Variants in PTPRT observed in about 807,000 individuals in gnomAD.
The protein encoded by PTPRT is protein tyrosine phosphatase receptor type T.
A neutral mutation model predicts 176.8 loss-of-function variants in PTPRT; 56 were observed. The ratio of observed to expected loss-of-function variants is 0.32; its 90% CI spans 0.26 to 0.40. The LOEUF (loss-of-function observed/expected upper bound fraction) is 0.40, where lower values mean the gene tolerates loss of function less well. PTPRT is among the 10% of genes least tolerant of loss of function. PTPRT has a pLI of 1.00. For synonymous variants in PTPRT, 783 were observed against 739.0 expected, an observed-to-expected ratio of 1.06 and a Z score of -0.96; for missense variants, 1,540 against 1,908.2, an observed-to-expected ratio of 0.81 and a Z score of 3.60.
intron 7 of PTPRT, among the ~76,000 whole-genome samples, chr20:42,580,420 G>GT (rs1294381917): frequency 2.0e-5 from 3 of 152,114 alleles, no homozygotes; most frequent in African/African-American, 7.2e-5. Context: ...CTTTAAAGTA[G>GT]TTTTTTCCAA....
At chr20:43,133,216 C>T (rs950825197) in intron 1 of PTPRT, among the ~76,000 whole-genome samples, 1 of 152,038 alleles carries the variant, frequency 6.6e-6, no homozygotes, top group African/African-American at 2.4e-5. Flanking sequence ...GTGCATTTAT[C>T]ATGCATAAAC....
At chr20:43,098,920 C>T (rs1266762830) in intron 1 of PTPRT, among the ~76,000 whole-genome samples, 1 of 152,142 alleles carries the variant, frequency 6.6e-6, no homozygotes, top group East Asian at 1.9e-4. Flanking sequence ...ATCATTCTGA[C>T]AGGTATTTCT....
intron 1 of PTPRT, among the ~76,000 whole-genome samples, chr20:42,975,028 T>TA (rs1488880361): frequency 3.3e-5 from 5 of 152,114 alleles, no homozygotes; most frequent in African/African-American, 1.2e-4. Context: ...AGACATTGAA[T>TA]AAAAGTATAA....
At chr20:42,809,166 G>A (rs2077658615) in intron 2 of PTPRT, among the ~76,000 whole-genome samples, 1 of 152,200 alleles carries the variant, frequency 6.6e-6, no homozygotes, top group Non-Finnish European at 1.5e-5. Context: ...ACGAGATGTT[G>A]GTGCCATCAT....
At chr20:42,615,035 A>G (rs1391592930) in intron 7 of PTPRT, among the ~76,000 whole-genome samples, 3 of 137,076 alleles carry the variant, frequency 2.2e-5, no homozygotes, top group African/African-American at 8.7e-5. Flanking sequence ...TGCTGCACCC[A>G]CTAACTCGTC....
At chr20:43,094,523 T>G (rs1318021564) in intron 1 of PTPRT, among the ~76,000 whole-genome samples, 1 of 148,886 alleles carries the variant, frequency 6.7e-6, no homozygotes, top group Admixed American at 6.8e-5. Flanking sequence ...CTCAGCCTCC[T>G]GAGTAGCTGG....
chr20:42,391,280 T>A (rs560603236), intron 9 of PTPRT, among the ~76,000 whole-genome samples: 1 of 152,170 alleles, frequency 6.6e-6, no homozygotes. Context: ...GAGGAGACTT[T>A]TGTGCTTCAG....
At chr20:43,122,388 C>A (rs1219517579) in intron 1 of PTPRT, among the ~76,000 whole-genome samples, 8 of 152,188 alleles carry the variant, frequency 5.3e-5, no homozygotes, top group African/African-American at 1.4e-4. Flanking sequence ...GAGTGAAACC[C>A]CTCTCAGTCC....
intron 1 of PTPRT, among the ~76,000 whole-genome samples, chr20:43,098,023 C>T (rs901921680): frequency 2.0e-5 from 3 of 152,114 alleles, no homozygotes; most frequent in Non-Finnish European, 4.4e-5. Flanking sequence ...TCCCCTTCGC[C>T]AGCTTCCATC....
intron 11 of PTPRT, among the ~76,000 whole-genome samples, chr20:42,332,210 A>AT (rs1039250812): frequency 6.6e-5 from 10 of 151,564 alleles, no homozygotes; most frequent in African/African-American, 1.9e-4. Context: ...AGAAAAAAAC[A>AT]TTTTTTTTCT....
chr20:42,426,184 A>G (rs1323874366), intron 9 of PTPRT, among the ~76,000 whole-genome samples: 1 of 152,100 alleles, frequency 6.6e-6, no homozygotes, highest in Non-Finnish European at 1.5e-5. Flanking sequence ...TCCTCTTTTC[A>G]TGCCCAAATG....
At chr20:43,031,487 C>T (rs569143117) in intron 1 of PTPRT, among the ~76,000 whole-genome samples, 52 of 152,280 alleles carry the variant, frequency 3.4e-4, no homozygotes, top group Middle Eastern at 6.8e-3. Context: ...AATACAATTG[C>T]ATTGCTTAAA....
At chr20:42,466,552 T>C (rs1409829671) in intron 8 of PTPRT, among the ~76,000 whole-genome samples, 5 of 152,168 alleles carry the variant, frequency 3.3e-5, no homozygotes, top group Non-Finnish European at 7.3e-5. Flanking sequence ...TTTAGAGGGA[T>C]TGGTGTTGTA....
chr20:42,378,988 A>G (rs939957938), intron 9 of PTPRT, among the ~76,000 whole-genome samples: 3 of 152,224 alleles, frequency 2.0e-5, no homozygotes, highest in Non-Finnish European at 4.4e-5. Context: ...GCAAGTCTCC[A>G]AGGCAACCAT....
chr20:42,129,202 T>C (rs1988009499), intron 18 of PTPRT, among the ~76,000 whole-genome samples: 1 of 152,228 alleles, frequency 6.6e-6, no homozygotes, highest in Non-Finnish European at 1.5e-5. Flanking sequence ...TGGATTAATA[T>C]ACTCCATTTT....
chr20:42,355,832 T>C (rs562465958), intron 9 of PTPRT, among the ~76,000 whole-genome samples: 203 of 152,298 alleles, frequency 1.3e-3, no homozygotes, highest in African/African-American at 4.6e-3. Flanking sequence ...CCTTATTTAC[T>C]AGCCAATTCC....
At chr20:43,096,185 C>T (rs111597994) in intron 1 of PTPRT, among the ~76,000 whole-genome samples, 61 of 150,956 alleles carry the variant, frequency 4.0e-4, no homozygotes, top group African/African-American at 1.4e-3. Context: ...CGCCTTGCTC[C>T]CTCACTCTCT....
chr20:42,201,187 A>G (rs1274448639), intron 15 of PTPRT, among the ~76,000 whole-genome samples: 1 of 152,138 alleles, frequency 6.6e-6, no homozygotes, highest in South Asian at 2.1e-4. Flanking sequence ...CACCTGTGCT[A>G]CTCAGCAGGC....
intron 1 of PTPRT, among the ~76,000 whole-genome samples, chr20:43,029,720 T>C (rs183175852): frequency 6.6e-6 from 1 of 152,386 alleles, no homozygotes; most frequent in East Asian, 1.9e-4. Flanking sequence ...CTTGGCCTTA[T>C]GATTTCTGGC....
Sources: gnomAD v4.1 joint callset for allele counts (sites outside exome capture counted in the v4.1 genomes callset) on GRCh38, gnomAD v4.1.1 for gene constraint, MANE v1.5 for transcripts, NCBI Gene and HGNC (gene_info 2026-07-23, HGNC 2026-07-21) for gene names.